TCEA3: variants seen among roughly 807,000 people sequenced by gnomAD.
The protein encoded by TCEA3 is transcription elongation factor A3.
In TCEA3, 36 loss-of-function variants were observed where a neutral mutation model predicts 44.0. That is an observed-to-expected ratio of 0.82 (90% confidence interval 0.63 to 1.08). The LOEUF (loss-of-function observed/expected upper bound fraction) is 1.08. Ranked by LOEUF, TCEA3 falls within the 50% of genes least tolerant of loss-of-function variation. The probability of loss-of-function intolerance (pLI) is 0.00; values close to 1 mark genes in which losing one functional copy is unlikely to be tolerated. For synonymous variants in TCEA3, 162 were observed against 159.7 expected, an observed-to-expected ratio of 1.01 and a Z score of -0.11; for missense variants, 392 against 441.2, an observed-to-expected ratio of 0.89 and a Z score of 1.00.
chr1:23,401,581 C>G (rs541077945), intron 5 of TCEA3, among the ~76,000 whole-genome samples: 2 of 152,076 alleles, frequency 1.3e-5, no homozygotes, highest in Non-Finnish European at 2.9e-5. Flanking sequence ...GATGTTCCTG[C>G]CCCCAAGCCT....
intron 1 of TCEA3, chr1:23,419,477 C>A: frequency 4.6e-6 from 1 of 215,462 alleles, no homozygotes. Flanking sequence ...GTGCCTGTAG[C>A]GTCCTTCCCT....
chr1:23,424,527 C>G (rs748781952), intron 1 of TCEA3, 38 bp downstream of exon 1: 1 of 1,579,174 alleles, frequency 6.3e-7, no homozygotes, highest in East Asian at 2.3e-5. Flanking sequence ...CCGCGCCTCC[C>G]GGGGGCGGGG....
intron 4 of TCEA3, among the ~76,000 whole-genome samples, chr1:23,412,540 T>C (rs184356510): frequency 5.5e-5 from 8 of 146,486 alleles, no homozygotes; most frequent in Non-Finnish European, 1.1e-4. Context: ...CCTTCTCTAC[T>C]AAAAAAAAAA....
intron 8 of TCEA3, among the ~76,000 whole-genome samples, chr1:23,392,418 TAC>T (rs1639069305): frequency 1.1e-3 from 1 of 936 alleles, no homozygotes; most frequent in Non-Finnish European, 2.0e-3. Context: ...TCATGCACAA[TAC>T]ACACACACTC....
At position 23,408,503 on chromosome 1, in the gene TCEA3, A is replaced by G. The variant is rs76827668; in HGVS notation, c.443+161T>C. On this transcript the variant is annotated intron_variant, in intron 5 of 10. Coordinates refer to ENST00000450454, the MANE Select transcript of TCEA3 (RefSeq NM_003196.3). ...ATCCAGAGGGTCCCCCAGGGCTGAAATGTGGAAAGACTGTGTGGGTCTTAG... is the reference window on the plus strand; with the variant it reads ...ATCCAGAGGGTCCCCCAGGGCTGAAGTGTGGAAAGACTGTGTGGGTCTTAG... 2.6e-3 allele frequency: 1,704 copies of G among 665,560 alleles called. 20 individuals carry two copies. The highest frequency in any genetic ancestry group is 0.021 in the East Asian group (744 of 35,106). 41.2% of individuals were successfully genotyped at this position (665,560 alleles called of 1,614,324 possible). A position where few individuals can be genotyped will look rare whatever the true frequency, so the allele number is the denominator to read the frequency against.
chr1:23,393,848 C>G, intron 8 of TCEA3, 31 bp downstream of exon 8: 1 of 1,606,802 alleles, frequency 6.2e-7, no homozygotes, highest in Non-Finnish European at 8.5e-7. Flanking sequence ...ACCTGGCTTC[C>G]TGCCTCACCA....
chr1:23,413,250 C>T (rs1570281543), intron 4 of TCEA3, among the ~76,000 whole-genome samples: 2 of 151,878 alleles, frequency 1.3e-5, no homozygotes, highest in Admixed American at 1.3e-4. Flanking sequence ...GATCCTCCCA[C>T]CTCAGCCTCC....
At chr1:23,390,028 TA>T (rs1187653444) in intron 8 of TCEA3, among the ~76,000 whole-genome samples, 2 of 152,168 alleles carry the variant, frequency 1.3e-5, no homozygotes, top group Non-Finnish European at 2.9e-5. Context: ...AAGGAAGTAC[TA>T]AAGTGAAGGC....
chr1:23,395,370 C>T (rs1050813180), intron 7 of TCEA3, among the ~76,000 whole-genome samples: 1 of 152,222 alleles, frequency 6.6e-6, no homozygotes, highest in African/African-American at 2.4e-5. Context: ...CTCAGAGGAA[C>T]TTTTGGCTGC....
At chr1:23,412,495 G>T (rs1639761048) in intron 4 of TCEA3, among the ~76,000 whole-genome samples, 1 of 151,956 alleles carries the variant, frequency 6.6e-6, no homozygotes, top group African/African-American at 2.4e-5. Flanking sequence ...TTGAGGTCAG[G>T]AGTTCGAGAC....
Position 23,397,586 on chromosome 1 carries a change from T to C in TCEA3, c.623A>G (p.Tyr208Cys), listed in dbSNP as rs778077772. 1 of 1,613,904 alleles carries C rather than the reference T, an allele frequency of 6.2e-7. No homozygotes were observed. The highest frequency in any genetic ancestry group is 1.1e-5 in the South Asian group (1 of 91,080). The change falls in exon 7 of 11, where the codon TAT becomes TGT. Residue 208 changes from tyrosine (Y) to cysteine (C), a missense_variant. Transcript: ENST00000450454. The stretch of plus-strand genomic sequence containing the variant: ...TGCCATCTTGTCACAGTTGACTCCA[T>C]AGTCCTTGTAATCATCTAAAAGAGA... ...ALKADDDYKD[Y>C]GVNCDKMASE...
At chr1:23,419,982 A>G (rs927144536) in intron 1 of TCEA3, among the ~76,000 whole-genome samples, 1 of 152,212 alleles carries the variant, frequency 6.6e-6, no homozygotes, top group Non-Finnish European at 1.5e-5. Flanking sequence ...AAGCACAGCC[A>G]CCAGCCCCAA....
intron 8 of TCEA3, among the ~76,000 whole-genome samples, chr1:23,391,004 A>G (rs1440701697): frequency 6.6e-6 from 1 of 152,050 alleles, no homozygotes; most frequent in East Asian, 1.9e-4. Flanking sequence ...ACAAGGAAAG[A>G]GGCATAAAAA....
chr1:23,416,132 G>A (rs553292619), intron 4 of TCEA3, among the ~76,000 whole-genome samples: 14 of 150,668 alleles, frequency 9.3e-5, no homozygotes, highest in Middle Eastern at 7.0e-3. Flanking sequence ...TCAGCCTCCC[G>A]AGTAGCTGGG....
chr1:23,423,965 C>T (rs1447839337), intron 1 of TCEA3: 1 of 419,038 alleles, frequency 2.4e-6, no homozygotes, highest in Non-Finnish European at 4.7e-6. Flanking sequence ...CGGCCCCCGC[C>T]CGTCCGGGCC....
chr1:23,391,566 G>A (rs1349974481), intron 8 of TCEA3, among the ~76,000 whole-genome samples: 2 of 152,108 alleles, frequency 1.3e-5, no homozygotes, highest in East Asian at 3.9e-4. Context: ...CTATGAGGAA[G>A]CAGGCCCTCA....
chr1:23,393,036 C>A (rs1639108291), intron 8 of TCEA3, among the ~76,000 whole-genome samples: 1 of 152,060 alleles, frequency 6.6e-6, no homozygotes, highest in African/African-American at 2.4e-5. Context: ...TGTTTTCCTG[C>A]AACTAGATGG....
chr1:23,409,662 C>T (rs1639655076), intron 4 of TCEA3, among the ~76,000 whole-genome samples: 1 of 152,110 alleles, frequency 6.6e-6, no homozygotes, highest in South Asian at 2.1e-4. Context: ...ACTCTCCTGC[C>T]TCAGCCTCCT....
At chr1:23,407,775 C>A (rs865876799) in intron 5 of TCEA3, among the ~76,000 whole-genome samples, 1 of 151,962 alleles carries the variant, frequency 6.6e-6, no homozygotes, top group African/African-American at 2.4e-5. Flanking sequence ...ATGTCTGTAT[C>A]CCTGGCACCT....
Sources: gnomAD v4.1 joint callset for allele counts (sites outside exome capture counted in the v4.1 genomes callset) on GRCh38, gnomAD v4.1.1 for gene constraint, MANE v1.5 for transcripts, NCBI Gene and HGNC (gene_info 2026-07-23, HGNC 2026-07-21) for gene names.